RPS3: variants seen among roughly 807,000 people sequenced by gnomAD.
RPS3 encodes the protein ribosomal protein S3, also known as small ribosomal subunit protein uS3.
A neutral mutation model predicts 25.8 loss-of-function variants in RPS3; 2 were observed. The observed-to-expected ratio is 0.08, with a 90% confidence interval of 0.03 to 0.24. The LOEUF is 0.24. Ranked by LOEUF, RPS3 falls within the 10% of genes least tolerant of loss-of-function variation. The probability of loss-of-function intolerance (pLI) is 1.00; values close to 1 mark genes in which losing one functional copy is unlikely to be tolerated. For missense variants in RPS3, 107 were observed against 307.1 expected (o/e 0.35, Z 4.87); for synonymous variants, 114 against 114.2 (o/e 1.00, Z 0.01).
chr11:75,416,919 T>C (rs1275144489), intron 6 of RPS3, among the ~76,000 whole-genome samples: 3 of 152,232 alleles, frequency 2.0e-5, no homozygotes, highest in African/African-American at 4.8e-5. Flanking sequence ...GATTTTGATA[T>C]TATTTTATCA....
intron 6 of RPS3, among the ~76,000 whole-genome samples, chr11:75,416,062 A>G (rs1948395165): frequency 1.3e-5 from 2 of 152,148 alleles, no homozygotes; most frequent in African/African-American, 2.4e-5. Context: ...AAAATTAAAG[A>G]AAACCCCAGC....
At chr11:75,401,780 T>TA in intron 3 of RPS3, 47 bp downstream of exon 3, 1 of 1,062,756 alleles carries the variant, frequency 9.4e-7, no homozygotes, top group Non-Finnish European at 1.5e-6. Flanking sequence ...TTCAGAATGA[T>TA]ACTTCTAAAA....
At chr11:75,399,620 C>T in intron 1 of RPS3, 43 bp downstream of exon 1, 2 of 1,590,586 alleles carry the variant, frequency 1.3e-6, no homozygotes, top group South Asian at 2.2e-5. Context: ...CGGCGCCGCG[C>T]GGGTCGAGGG....
In RPS3 at chr11:75,406,523, T is replaced by A. The variant is rs929829545; in HGVS notation, c.*913T>A. ...GTGATGATTTGGTTTTCTTCTCAAT[T>A]AGACTGAGCTGCACATGGTGTTTAT... On this transcript the variant is annotated 3_prime_UTR_variant, in exon 7 of 7. Coordinates refer to ENST00000531188, the MANE Select transcript of RPS3 (RefSeq NM_001005.5). 6.6e-6 allele frequency: 1 copy of A among 152,242 alleles called. No individual in the cohort carries two copies. Among genetic ancestry groups the A allele is most frequent in the Non-Finnish European group, 1.5e-5 (1 of 68,046 alleles). 9.4% of individuals were successfully genotyped at this position (152,242 alleles called of 1,614,324 possible).
Position 75,401,740 on chromosome 11 carries a change from G to A in RPS3, c.255+7G>A. The A allele has an allele frequency of 2.6e-6, 4 of 1,530,296 alleles. No homozygotes were observed. Among genetic ancestry groups the A allele is most frequent in the Non-Finnish European group, 3.6e-6 (4 of 1,103,786 alleles). 94.8% of individuals were successfully genotyped at this position (1,530,296 alleles called of 1,614,324 possible). On this transcript the variant is annotated splice_region_variant and intron_variant, in intron 3 of 6. Transcript: ENST00000531188. ...TCCAGAGGGCAGTGTAGAGGTGAGT[G>A]ATTCTGGCATATGCCAGAGGTAATG...
downstream of RPS3, among the ~76,000 whole-genome samples, chr11:75,410,354 C>T (rs1456164060): frequency 2.2e-3 from 330 of 149,546 alleles, 1 homozygote; most frequent in East Asian, 0.032. Flanking sequence ...CCAGACAGGG[C>T]GGCGGGGCAG....
At chr11:75,413,424 T>G (rs1297651698) in intron 6 of RPS3, among the ~76,000 whole-genome samples, 1 of 152,040 alleles carries the variant, frequency 6.6e-6, no homozygotes, top group African/African-American at 2.4e-5. Context: ...GCCCAGCTAA[T>G]TTTTTGTATT....
chr11:75,400,361 C>G (rs764490195), intron 1 of RPS3: 1 of 524,038 alleles, frequency 1.9e-6, no homozygotes, highest in Non-Finnish European at 3.8e-6. Flanking sequence ...AGAGCAGTTT[C>G]TTGTTTTGCA....
At chr11:75,401,489 CAAAA>C (rs111445702) in intron 2 of RPS3, 147 bp from the exon 3 acceptor site, 3 of 493,392 alleles carry the variant, frequency 6.1e-6, no homozygotes, top group East Asian at 7.0e-5. Flanking sequence ...GACCCTGTCT[CAAAA>C]AAAAAAGCTG....
chr11:75,413,350 G>A lies in RPS3; in HGVS notation c.*4-8377G>A, dbSNP rs527571456. On this transcript the variant is annotated intron_variant, in intron 6 of 6. Coordinates refer to the RPS3 transcript ENST00000527446. ...CAGCTCACTGCAAGCTCTGCCTCCT[G>A]GCTTCACGCCATTCTCCTGCCTCAG... 1.2e-4 allele frequency among the ~76,000 whole-genome samples: 18 copies of A among 152,084 alleles called. No individual in the cohort carries two copies. The South Asian group carries it at 3.7e-3, about 32-fold the overall frequency.
chr11:75,409,893 C>T (rs1158450202), downstream of RPS3, among the ~76,000 whole-genome samples: 1 of 146,302 alleles, frequency 6.8e-6, no homozygotes, highest in Non-Finnish European at 1.5e-5. Flanking sequence ...GGCGGCCGGG[C>T]AGAGGCGCCC....
At chr11:75,409,862 G>A (rs185567195), downstream of RPS3, among the ~76,000 whole-genome samples, 717 of 148,356 alleles carry the variant, frequency 4.8e-3, no homozygotes, top group Non-Finnish European at 7.5e-3. Flanking sequence ...CCGGGCAGAG[G>A]GGTCCTCACT....
chr11:75,410,854 C>T (rs567464668), downstream of RPS3, among the ~76,000 whole-genome samples: 5 of 152,256 alleles, frequency 3.3e-5, no homozygotes, highest in Admixed American at 1.3e-4. Flanking sequence ...GGCGTGGCGG[C>T]GCGCGCCTGC....
intron 6 of RPS3, among the ~76,000 whole-genome samples, chr11:75,420,072 C>A (rs1948430309): frequency 1.3e-5 from 2 of 152,236 alleles, no homozygotes; most frequent in South Asian, 4.1e-4. Flanking sequence ...ATGTTCTCAA[C>A]AAGGGAGCGA....
At chr11:75,413,480 T>A (rs1010511284) in intron 6 of RPS3, among the ~76,000 whole-genome samples, 3 of 152,102 alleles carry the variant, frequency 2.0e-5, no homozygotes, top group African/African-American at 7.2e-5. Flanking sequence ...ATGGTCTCTA[T>A]CTCCTGACCT....
In RPS3 at chr11:75,399,542, G is replaced by T; in HGVS notation, c.-6G>T. On this transcript the variant is annotated 5_prime_UTR_variant, in exon 1 of 7. Transcript: ENST00000531188. ...TCCTTTCCTTTCAGCGGAGCGCGGC[G>T]GCAAGATGGCAGTGCAAATATCCAA... The T allele has an allele frequency of 6.2e-7, 1 of 1,613,942 alleles. No homozygotes were observed. Among genetic ancestry groups the T allele is most frequent in the Non-Finnish European group, 8.5e-7 (1 of 1,179,942 alleles).
At chr11:75,415,998 C>T (rs1364350650) in intron 6 of RPS3, among the ~76,000 whole-genome samples, 1 of 145,558 alleles carries the variant, frequency 6.9e-6, no homozygotes, top group Non-Finnish European at 1.5e-5. Context: ...AAAAAAAAGA[C>T]ATCAACACTC....
downstream of RPS3, among the ~76,000 whole-genome samples, chr11:75,410,132 C>T (rs1319376033): frequency 1.9e-4 from 27 of 142,676 alleles, no homozygotes. Context: ...CCCCACACCT[C>T]CCTCCCGGAC....
At chr11:75,410,111 C>CG (rs1399079216), downstream of RPS3, among the ~76,000 whole-genome samples, 7 of 125,474 alleles carry the variant, frequency 5.6e-5, no homozygotes, top group African/African-American at 2.3e-4. Flanking sequence ...GCTGGCCGGG[C>CG]GGGGGGCTGA....
Sources: allele counts gnomAD v4.1 joint callset (sites outside exome capture counted in the v4.1 genomes callset), GRCh38; gene constraint gnomAD v4.1.1; transcripts MANE v1.5; gene names NCBI Gene and HGNC (gene_info 2026-07-23, HGNC 2026-07-21).